The following ILRUN variants were observed in gnomAD, a reference collection of about 807,000 sequenced individuals.
ILRUN encodes inflammation and lipid regulator with UBA-like and NBR1-like domains, also known as protein ILRUN.
A neutral mutation model predicts 33.8 loss-of-function variants in ILRUN; 3 were observed. That is an observed-to-expected ratio of 0.09 (90% CI 0.04 to 0.23). The LOEUF is 0.23. Ranked by LOEUF, ILRUN falls within the 10% of genes least tolerant of loss-of-function variation. The pLI is 1.00. For missense variants in ILRUN, 210 were observed against 375.1 expected (o/e 0.56, Z 3.64); for synonymous variants, 124 against 138.9 (o/e 0.89, Z 0.75).
chr6:34,601,806 A>G (rs1385887732), intron 4 of ILRUN, among the ~76,000 whole-genome samples: 3 of 150,000 alleles, frequency 2.0e-5, no homozygotes, highest in African/African-American at 7.3e-5. Flanking sequence ...AAAAGAGCTG[A>G]TTTCTGATGT....
intron 3 of ILRUN, among the ~76,000 whole-genome samples, chr6:34,609,982 C>A (rs1196364407): frequency 6.6e-6 from 1 of 151,802 alleles, no homozygotes; most frequent in Non-Finnish European, 1.5e-5. Context: ...CACGGTGAAA[C>A]CCCGTCTCTA....
chr6:34,693,938 C>A (rs1048615458), intron 1 of ILRUN, among the ~76,000 whole-genome samples: 3 of 152,050 alleles, frequency 2.0e-5, no homozygotes, highest in Non-Finnish European at 4.4e-5. Context: ...CCCACTTCAG[C>A]CTCCCAAGTA....
At chr6:34,686,285 G>A (rs1763515189) in intron 1 of ILRUN, among the ~76,000 whole-genome samples, 1 of 152,024 alleles carries the variant, frequency 6.6e-6, no homozygotes, top group Admixed American at 6.6e-5. Context: ...CGGATCATGA[G>A]GTCAGGAGAT....
chr6:34,628,623 C>A (rs1289586292), intron 3 of ILRUN, among the ~76,000 whole-genome samples: 2 of 152,074 alleles, frequency 1.3e-5, no homozygotes, highest in Non-Finnish European at 2.9e-5. Context: ...TGAGCCACCA[C>A]GCCCGGCCCA....
At chr6:34,650,820 T>C (rs1006180260) in intron 2 of ILRUN, among the ~76,000 whole-genome samples, 1 of 152,144 alleles carries the variant, frequency 6.6e-6, no homozygotes, top group Non-Finnish European at 1.5e-5. Flanking sequence ...GACAACTATA[T>C]GCGATTCCTA....
rs180709953 is a variant in ILRUN at position 34,605,950 on chromosome 6, A to G, written c.861+605T>C. ...CCAAAACCAACAACCAGGCACCATC[A>G]TCACCTTAGCAAACTGTGGAAGACA... is the stretch of plus-strand genomic sequence containing the variant. On this transcript the variant is annotated intron_variant, in intron 4 of 4. Coordinates refer to ENST00000374023, the MANE Select transcript of ILRUN (RefSeq NM_024294.4). Among the ~76,000 whole-genome samples, 16 of 152,360 alleles carry G rather than the reference A, an allele frequency of 1.1e-4. No homozygotes were observed. In the East Asian group the frequency reaches 1.9e-3, roughly 18 times the overall value.
Position 34,588,523 on chromosome 6 carries a change from A to G in ILRUN, c.*2042T>C. 1 of 297,948 alleles carries G rather than the reference A, an allele frequency of 3.4e-6. No homozygotes were observed. 18.5% of individuals were successfully genotyped at this position (297,948 alleles called of 1,614,324 possible). On this transcript the variant is annotated 3_prime_UTR_variant, in exon 5 of 5. Coordinates refer to ENST00000374023, the MANE Select transcript of ILRUN (RefSeq NM_024294.4). ...CTCCAGGGAGGCAGTGTCTCAGGAG[A>G]CTGGTACCAGCAGCAGCAGTCTGGG...
At chr6:34,623,157 A>G (rs1259532667) in intron 3 of ILRUN, among the ~76,000 whole-genome samples, 1 of 152,192 alleles carries the variant, frequency 6.6e-6, no homozygotes, top group Non-Finnish European at 1.5e-5. Flanking sequence ...TCTAGAGGTG[A>G]ATAGTGGTGA....
intron 3 of ILRUN, among the ~76,000 whole-genome samples, chr6:34,637,864 C>CCGT (rs1554185666): frequency 1.4e-5 from 2 of 141,930 alleles, no homozygotes; most frequent in Non-Finnish European, 3.0e-5. Context: ...GCTGCTGCTG[C>CCGT]TGTTGTTGTT....
At chr6:34,619,001 T>C (rs1202200310) in intron 3 of ILRUN, among the ~76,000 whole-genome samples, 1 of 152,002 alleles carries the variant, frequency 6.6e-6, no homozygotes, top group Non-Finnish European at 1.5e-5. Context: ...AATAAGTCAG[T>C]AGAGTACTAA....
At chr6:34,663,504 T>G (rs1216211658) in intron 1 of ILRUN, among the ~76,000 whole-genome samples, 2 of 151,974 alleles carry the variant, frequency 1.3e-5, no homozygotes, top group Non-Finnish European at 2.9e-5. Context: ...TCTTTAAAAT[T>G]TTAAACTTAA....
At chr6:34,628,897 C>T (rs2127347184) in intron 3 of ILRUN, among the ~76,000 whole-genome samples, 1 of 152,168 alleles carries the variant, frequency 6.6e-6, no homozygotes, top group East Asian at 1.9e-4. Context: ...AGGAAGACTG[C>T]TTGACCCAAG....
intron 1 of ILRUN, among the ~76,000 whole-genome samples, chr6:34,676,834 A>T (rs1057038471): frequency 1.3e-5 from 2 of 152,120 alleles, no homozygotes; most frequent in African/African-American, 4.8e-5. Context: ...AAACATAATT[A>T]TCCAAAATCA....
At chr6:34,687,712 T>TATATATATATTTATAAA (rs1763553696) in intron 1 of ILRUN, among the ~76,000 whole-genome samples, 7 of 129,870 alleles carry the variant, frequency 5.4e-5, no homozygotes, top group African/African-American at 2.1e-4. Flanking sequence ...AAAAAAAATA[T>TATATATATATTTATAAA]ATATATATAT....
chr6:34,642,538 A>G (rs1229609939), intron 3 of ILRUN, among the ~76,000 whole-genome samples: 1 of 152,198 alleles, frequency 6.6e-6, no homozygotes, highest in Non-Finnish European at 1.5e-5. Flanking sequence ...GTGATCTTAA[A>G]GACAAAGCAC....
At chr6:34,667,066 T>C (rs1763021196) in intron 1 of ILRUN, among the ~76,000 whole-genome samples, 1 of 152,174 alleles carries the variant, frequency 6.6e-6, no homozygotes, top group East Asian at 1.9e-4. Context: ...CAATCTGGTT[T>C]ACAAAGAAAA....
At chr6:34,602,292 T>C (rs554870839) in intron 4 of ILRUN, among the ~76,000 whole-genome samples, 5 of 152,312 alleles carry the variant, frequency 3.3e-5, no homozygotes, top group African/African-American at 1.2e-4. Flanking sequence ...CACACTCTTA[T>C]CCCCAGCTGT....
At chr6:34,620,696 G>C (rs772728910) in intron 3 of ILRUN, among the ~76,000 whole-genome samples, 1 of 152,150 alleles carries the variant, frequency 6.6e-6, no homozygotes, top group Non-Finnish European at 1.5e-5. Context: ...GGGCATCATG[G>C]CACATGCCTG....
intron 4 of ILRUN, among the ~76,000 whole-genome samples, chr6:34,591,428 G>A (rs924991672): frequency 3.3e-5 from 5 of 152,068 alleles, no homozygotes; most frequent in African/African-American, 1.2e-4. Context: ...CTGGAAGGTC[G>A]AAGCTGCAAT....
Sources: allele counts gnomAD v4.1 joint callset (sites outside exome capture counted in the v4.1 genomes callset), GRCh38; gene constraint gnomAD v4.1.1; transcripts MANE v1.5; gene names NCBI Gene and HGNC (gene_info 2026-07-23, HGNC 2026-07-21).